The following KCNN2 variants were observed in gnomAD, a reference collection of about 807,000 sequenced individuals.
The protein encoded by KCNN2 is small conductance calcium-activated potassium channel protein 2.
KCNN2 carries 24 observed loss-of-function variants against 55.5 expected under a neutral mutation model. The observed-to-expected ratio is 0.43, with a 90% CI of 0.31 to 0.61. KCNN2 has a LOEUF of 0.61. Ranked by LOEUF, KCNN2 falls within the 20% of genes least tolerant of loss-of-function variation. The pLI is 0.08. For synonymous variants in KCNN2, 431 were observed against 336.1 expected (o/e 1.28, Z -3.09); for missense variants, 754 against 853.6 (o/e 0.88, Z 1.45).
intron 2 of KCNN2, among the ~76,000 whole-genome samples, chr5:114,256,039 C>T (rs1028843448): frequency 1.3e-5 from 2 of 152,028 alleles, no homozygotes; most frequent in African/African-American, 4.8e-5. Context: ...TCTATTATTC[C>T]ACACTCTATG....
At chr5:114,328,751 A>G (rs1232565541) in intron 2 of KCNN2, among the ~76,000 whole-genome samples, 1 of 151,986 alleles carries the variant, frequency 6.6e-6, no homozygotes, top group Non-Finnish European at 1.5e-5. Flanking sequence ...CACCTTCCTC[A>G]CTCCCACAAC....
chr5:114,102,908 T>C (rs1751401535), intron 1 of KCNN2, among the ~76,000 whole-genome samples: 1 of 152,218 alleles, frequency 6.6e-6, no homozygotes, highest in Admixed American at 6.5e-5. Context: ...TATGATTGTC[T>C]TGGCTATATG....
intron 1 of KCNN2, 56 bp from the exon 2 acceptor site, chr5:114,363,850 G>A: frequency 2.3e-5 from 29 of 1,287,006 alleles, no homozygotes; most frequent in Non-Finnish European, 3.3e-5. Flanking sequence ...TGGGGACGTG[G>A]AAGGCGGTTA....
intron 2 of KCNN2, among the ~76,000 whole-genome samples, chr5:114,275,904 C>A (rs550792052): frequency 6.6e-6 from 1 of 152,040 alleles, no homozygotes; most frequent in African/African-American, 2.4e-5. Context: ...TTCTCTAGGT[C>A]TTTTAATTGT....
chr5:114,153,888 G>A (rs1035410474), intron 1 of KCNN2, among the ~76,000 whole-genome samples: 1 of 152,178 alleles, frequency 6.6e-6, no homozygotes, highest in African/African-American at 2.4e-5. Flanking sequence ...TGGAGGTTTA[G>A]TTGGTCTTGT....
At chr5:114,322,036 C>T (rs1756624956) in intron 2 of KCNN2, among the ~76,000 whole-genome samples, 1 of 152,200 alleles carries the variant, frequency 6.6e-6, no homozygotes, top group South Asian at 2.1e-4. Context: ...GTTTCCTCAG[C>T]TTAGAAGTTT....
At chr5:114,178,594 A>C (rs1159012140) in intron 1 of KCNN2, among the ~76,000 whole-genome samples, 1 of 152,216 alleles carries the variant, frequency 6.6e-6, no homozygotes. Flanking sequence ...TCTACAATGC[A>C]TAATTTTCCC....
intron 2 of KCNN2, among the ~76,000 whole-genome samples, chr5:114,260,358 A>G (rs1001977133): frequency 2.6e-5 from 4 of 152,198 alleles, no homozygotes; most frequent in African/African-American, 9.6e-5. Flanking sequence ...AAATTGCTCT[A>G]TACCTCAGCC....
At chr5:114,205,532 T>A (rs908635068) in intron 1 of KCNN2, among the ~76,000 whole-genome samples, 3 of 152,196 alleles carry the variant, frequency 2.0e-5, no homozygotes, top group Non-Finnish European at 4.4e-5. Context: ...AAGAATGAGC[T>A]TTCATCACTG....
At chr5:114,238,891 A>G (rs1483798222) in intron 2 of KCNN2, among the ~76,000 whole-genome samples, 1 of 152,122 alleles carries the variant, frequency 6.6e-6, no homozygotes, top group Non-Finnish European at 1.5e-5. Context: ...TGTTCCTGAT[A>G]ATCTTTGATG....
At chr5:114,421,438 C>T (rs1351182459) in intron 3 of KCNN2, among the ~76,000 whole-genome samples, 1 of 151,974 alleles carries the variant, frequency 6.6e-6, no homozygotes. Context: ...TTACAGGCAC[C>T]TGCCACCATG....
intron 3 of KCNN2, among the ~76,000 whole-genome samples, chr5:114,448,587 C>T (rs1421645514): frequency 6.6e-6 from 1 of 152,190 alleles, no homozygotes; most frequent in African/African-American, 2.4e-5. Flanking sequence ...TGTGCTCATT[C>T]TCCTCAGCCT....
intron 3 of KCNN2, among the ~76,000 whole-genome samples, chr5:114,414,738 A>T (rs1384167319): frequency 6.6e-6 from 1 of 152,248 alleles, no homozygotes; most frequent in African/African-American, 2.4e-5. Context: ...ATTAGAATTT[A>T]AAAACTTTGT....
intron 2 of KCNN2, among the ~76,000 whole-genome samples, chr5:114,272,354 ATAC>A (rs1449733450): frequency 2.3e-5 from 1 of 42,664 alleles, no homozygotes; most frequent in Non-Finnish European, 5.6e-5. Flanking sequence ...ATGTATGTAC[ATAC>A]CATATACACA....
At chr5:114,483,356 C>G (rs1762315445) in intron 5 of KCNN2, among the ~76,000 whole-genome samples, 1 of 148,904 alleles carries the variant, frequency 6.7e-6, no homozygotes. Flanking sequence ...CTCACTGCAA[C>G]CTCCACCTCC....
At chr5:114,393,142 C>T (rs1758504447) in intron 2 of KCNN2, among the ~76,000 whole-genome samples, 1 of 152,070 alleles carries the variant, frequency 6.6e-6, no homozygotes, top group African/African-American at 2.4e-5. Context: ...GTATATTGCT[C>T]TTCCACATCA....
intron 1 of KCNN2, among the ~76,000 whole-genome samples, chr5:114,180,729 C>T (rs1310098842): frequency 6.6e-6 from 1 of 152,086 alleles, no homozygotes. Context: ...CACCCAAACC[C>T]CTAATACAAT....
chr5:114,088,727 C>A (rs1751071060), intron 1 of KCNN2, among the ~76,000 whole-genome samples: 1 of 152,102 alleles, frequency 6.6e-6, no homozygotes, highest in Admixed American at 6.6e-5. Context: ...TAAGAGGATT[C>A]TCTTGCCTCA....
chr5:114,123,815 C>G (rs1201360549), intron 1 of KCNN2, among the ~76,000 whole-genome samples: 1 of 152,112 alleles, frequency 6.6e-6, no homozygotes, highest in East Asian at 1.9e-4. Flanking sequence ...CTTCCTTTTT[C>G]AAATACATGC....
Sources: gnomAD v4.1 joint callset for allele counts (sites outside exome capture counted in the v4.1 genomes callset) on GRCh38, gnomAD v4.1.1 for gene constraint, MANE v1.5 for transcripts, NCBI Gene and HGNC (gene_info 2026-07-23, HGNC 2026-07-21) for gene names.